Variants in FOXP2 observed in about 807,000 individuals in gnomAD.
FOXP2 encodes the protein forkhead box protein P2.
A neutral mutation model predicts 115.8 loss-of-function variants in FOXP2; 12 were observed. The observed-to-expected ratio is 0.10, with a 90% CI of 0.07 to 0.17. The LOEUF (loss-of-function observed/expected upper bound fraction) is 0.17, where lower values mean the gene tolerates loss of function less well. Ranked by LOEUF, FOXP2 falls within the 10% of genes least tolerant of loss-of-function variation. The probability of loss-of-function intolerance (pLI) is 1.00; values close to 1 mark genes in which losing one functional copy is unlikely to be tolerated. For synonymous variants in FOXP2, 328 were observed against 297.7 expected (o/e 1.10, Z -1.05); for missense variants, 629 against 843.5 (o/e 0.75, Z 3.15).
chr7:114,149,695 A>C (rs1792479324), intron 1 of FOXP2, among the ~76,000 whole-genome samples: 1 of 152,142 alleles, frequency 6.6e-6, no homozygotes, highest in Non-Finnish European at 1.5e-5. Context: ...GAGCTTCTTG[A>C]ATTAACAAGT....
At chr7:114,505,063 C>T (rs1797744055) in intron 2 of FOXP2, among the ~76,000 whole-genome samples, 1 of 151,624 alleles carries the variant, frequency 6.6e-6, no homozygotes, top group Non-Finnish European at 1.5e-5. Context: ...TGCATATCCT[C>T]AAACATAGTT....
chr7:114,169,638 A>G (rs1017865136), intron 1 of FOXP2, among the ~76,000 whole-genome samples: 2 of 152,024 alleles, frequency 1.3e-5, no homozygotes, highest in African/African-American at 4.8e-5. Flanking sequence ...AAGGCTTTGG[A>G]GGACTGTTGG....
intron 1 of FOXP2, among the ~76,000 whole-genome samples, chr7:114,272,823 C>T (rs1796099355): frequency 6.6e-6 from 1 of 151,616 alleles, no homozygotes; most frequent in African/African-American, 2.4e-5. Flanking sequence ...TAATTTGTGT[C>T]CTTACTTTTT....
intron 2 of FOXP2, among the ~76,000 whole-genome samples, chr7:114,434,500 TA>T (rs1417799585): frequency 1.2e-3 from 184 of 151,514 alleles, no homozygotes; most frequent in Non-Finnish European, 1.3e-3. Context: ...TAATTAATAG[TA>T]AATTTAATAT....
intron 2 of FOXP2, among the ~76,000 whole-genome samples, chr7:114,403,888 G>T (rs1792952744): frequency 6.6e-6 from 1 of 152,112 alleles, no homozygotes; most frequent in African/African-American, 2.4e-5. Context: ...ATTCCCCGGG[G>T]ACCAAAATAC....
rs148770800 is a variant in FOXP2 at position 114,549,993 on chromosome 7, T to C, written c.258+15287T>C. Among the ~76,000 whole-genome samples, 342 of 152,254 alleles carry C rather than the reference T, an allele frequency of 2.2e-3. 2 individuals carry two copies. In the Middle Eastern group the frequency reaches 0.054, roughly 24 times the overall value. On this transcript the variant is annotated intron_variant, in intron 3 of 16. Coordinates refer to ENST00000350908, the MANE Select transcript of FOXP2 (RefSeq NM_014491.4). Reference sequence around the variant, plus strand: ...TATTTATTTGCAGTAAGGCATTTTGTGTCTCATAGGCCAGTAAGTTAAACT... The same window carrying C: ...TATTTATTTGCAGTAAGGCATTTTGCGTCTCATAGGCCAGTAAGTTAAACT...
chr7:114,284,198 A>G (rs925697563), intron 1 of FOXP2, among the ~76,000 whole-genome samples: 1 of 151,868 alleles, frequency 6.6e-6, no homozygotes, highest in Admixed American at 6.6e-5. Flanking sequence ...GGATCCTTTC[A>G]CTCAGGCAGA....
upstream of FOXP2, among the ~76,000 whole-genome samples, chr7:114,413,663 T>G (rs1793228316): frequency 6.6e-6 from 1 of 152,130 alleles, no homozygotes. Context: ...TGAAATTTGC[T>G]GTAATTACTT....
intron 16 of FOXP2, among the ~76,000 whole-genome samples, chr7:114,671,380 G>A (rs967520932): frequency 6.6e-6 from 1 of 151,962 alleles, no homozygotes; most frequent in African/African-American, 2.4e-5. Context: ...GAAATTTGTG[G>A]GTTCCTATAG....
intron 3 of FOXP2, among the ~76,000 whole-genome samples, chr7:114,550,805 G>C (rs1174328600): frequency 2.0e-5 from 3 of 152,110 alleles, no homozygotes; most frequent in African/African-American, 7.2e-5. Flanking sequence ...ACAGTATCAT[G>C]CTAATGCAAA....
chr7:114,144,099 G>A lies in FOXP2; in HGVS notation c.-246-18845G>A, dbSNP rs199793221. Among the ~76,000 whole-genome samples, 228 of 152,196 alleles carry A rather than the reference G, an allele frequency of 1.5e-3. 2 individuals are homozygous for A. Among genetic ancestry groups the A allele is most frequent in the African/African-American group, 5.4e-3 (224 of 41,518 alleles). Reference sequence around the variant, plus strand: ...GGTTAGATGATTTTGCCCATCTGCAGGCTAATGTTAAGTGTCTGAGCATGT... The same window carrying A: ...GGTTAGATGATTTTGCCCATCTGCAAGCTAATGTTAAGTGTCTGAGCATGT... On this transcript the variant is annotated intron_variant, in intron 1 of 19. Transcript: ENST00000635638.
At chr7:114,151,793 C>T (rs896024251) in intron 1 of FOXP2, among the ~76,000 whole-genome samples, 1 of 152,016 alleles carries the variant, frequency 6.6e-6, no homozygotes, top group Non-Finnish European at 1.5e-5. Flanking sequence ...GAAAGAGCAT[C>T]CAACTTGGAG....
At chr7:114,197,579 G>C (rs1029862235) in intron 1 of FOXP2, among the ~76,000 whole-genome samples, 2 of 152,118 alleles carry the variant, frequency 1.3e-5, no homozygotes, top group South Asian at 4.1e-4. Context: ...TTCAACTTGC[G>C]ACTTTTGAGG....
At chr7:114,650,708 A>G (rs1459496976) in intron 8 of FOXP2, among the ~76,000 whole-genome samples, 2 of 151,958 alleles carry the variant, frequency 1.3e-5, no homozygotes, top group East Asian at 3.9e-4. Flanking sequence ...ACCTGAGCTG[A>G]GCTTAGAGAG....
intron 1 of FOXP2, among the ~76,000 whole-genome samples, chr7:114,421,013 G>C (rs1316721882): frequency 1.3e-5 from 2 of 151,460 alleles, no homozygotes; most frequent in African/African-American, 4.8e-5. Flanking sequence ...TGAGTAATTA[G>C]TTAACCAGAA....
At chr7:114,254,925 A>G (rs1189418256) in intron 1 of FOXP2, among the ~76,000 whole-genome samples, 4 of 151,988 alleles carry the variant, frequency 2.6e-5, no homozygotes, top group Admixed American at 6.6e-5. Flanking sequence ...TTGTGGTTTT[A>G]TCTACCTTTG....
At chr7:114,679,570 G>A (rs751457691) in intron 16 of FOXP2, among the ~76,000 whole-genome samples, 8 of 151,870 alleles carry the variant, frequency 5.3e-5, no homozygotes, top group Admixed American at 1.3e-4. Flanking sequence ...AGGCCTTCTC[G>A]TCATCTGACC....
chr7:114,375,340 T>C (rs1420015122), intron 2 of FOXP2, among the ~76,000 whole-genome samples: 2 of 152,208 alleles, frequency 1.3e-5, no homozygotes, highest in South Asian at 2.1e-4. Flanking sequence ...GACTGGGCTC[T>C]GGAGCTAGAT....
intron 2 of FOXP2, among the ~76,000 whole-genome samples, chr7:114,523,555 C>T (rs948214282): frequency 8.5e-5 from 13 of 152,138 alleles, no homozygotes; most frequent in South Asian, 6.2e-4. Flanking sequence ...GCTACTGATC[C>T]TCATCATTTC....
Sources: allele counts gnomAD v4.1 joint callset (sites outside exome capture counted in the v4.1 genomes callset), GRCh38; gene constraint gnomAD v4.1.1; transcripts MANE v1.5; gene names NCBI Gene and HGNC (gene_info 2026-07-23, HGNC 2026-07-21).